The following SSH1 variants were observed in gnomAD, a reference collection of about 807,000 sequenced individuals.
SSH1 encodes protein phosphatase Slingshot homolog 1.
Under a neutral mutation model 79.7 loss-of-function variants are expected in SSH1, and 43 were observed. That is an observed-to-expected ratio of 0.54 (90% CI 0.42 to 0.70). The LOEUF (loss-of-function observed/expected upper bound fraction) is 0.70. SSH1 is among the 30% of genes least tolerant of loss of function. The pLI is 0.00. For synonymous variants in SSH1, 599 were observed against 538.3 expected (o/e 1.11, Z -1.56); for missense variants, 1,206 against 1,358.8 (o/e 0.89, Z 1.77).
chr12:108,811,436 G>A, intron 5 of SSH1, 108 bp from the exon 6 acceptor site: 1 of 949,850 alleles, frequency 1.1e-6, no homozygotes, highest in Non-Finnish European at 1.7e-6. Flanking sequence ...GTACGTGTGG[G>A]AGTAGGCTGT....
intron 6 of SSH1, among the ~76,000 whole-genome samples, chr12:108,810,280 G>C (rs1390585046): frequency 6.6e-6 from 1 of 152,006 alleles, no homozygotes; most frequent in East Asian, 1.9e-4. Context: ...CCAGCACTTT[G>C]GGAGGCCGAG....
chr12:108,800,742 T>C lies in SSH1; in HGVS notation c.1148+38A>G, dbSNP rs769448032. 5.6e-6 allele frequency: 9 copies of C among 1,610,838 alleles called. No homozygotes were observed. In the South Asian group the frequency reaches 6.6e-5, roughly 12 times the overall value. On this transcript the variant is annotated intron_variant, in intron 12 of 14. Coordinates refer to ENST00000326495, the MANE Select transcript of SSH1 (RefSeq NM_018984.4). ...TTCCCACTCTCCCAGCCTCAGCAGGTTGGTTTCATCCTCAGCCCCGCCTCT... is the reference window on the plus strand; with the variant it reads ...TTCCCACTCTCCCAGCCTCAGCAGGCTGGTTTCATCCTCAGCCCCGCCTCT...
intron 2 of SSH1, among the ~76,000 whole-genome samples, chr12:108,843,000 C>T (rs927716815): frequency 6.6e-6 from 1 of 152,104 alleles, no homozygotes; most frequent in African/African-American, 2.4e-5. Context: ...TTTATTTTTT[C>T]GCCTGGGCAC....
Position 108,788,442 on chromosome 12 carries a change from G to C in SSH1, c.2696C>G (p.Pro899Arg), listed in dbSNP as rs146273433. ...GTGGTCCAGGCGGTAGAAGAAAGGA[G>C]GGGGGCTCTTCAGTGAGCCTCCTTC... Reference protein sequence around the residue: ...SLEGGSLKSPPPFFYRLDHTS... With the variant: ...SLEGGSLKSPRPFFYRLDHTS... The change falls in exon 15 of 15, where the codon CCT (proline) becomes CGT (arginine). Residue 899 changes from proline to arginine, a missense_variant. By Grantham distance (103) the Pro-to-Arg change is moderately radical (BLOSUM62 -2). Around this residue, in one of 5 missense-constraint regions of SSH1, gnomAD observed 709 missense variants for 730.6 expected, o/e 0.97. Coordinates refer to ENST00000326495, the MANE Select transcript of SSH1 (RefSeq NM_018984.4). The C allele has an allele frequency of 7.5e-4, 1,183 of 1,577,222 alleles. 7 individuals are homozygous for C. The highest frequency in any genetic ancestry group is 5.4e-3 in the South Asian group (457 of 84,816).
At chr12:108,827,373 G>T in intron 2 of SSH1, 1 of 1,535,476 alleles carries the variant, frequency 6.5e-7, no homozygotes, top group Non-Finnish European at 8.8e-7. Flanking sequence ...CATCTCTAAC[G>T]CTCCCTACAA....
At chr12:108,800,711 C>T (rs1345230024) in intron 12 of SSH1, 69 bp downstream of exon 12, 57 of 1,597,022 alleles carry the variant, frequency 3.6e-5, no homozygotes, top group Non-Finnish European at 4.5e-5. Context: ...TCTGCAGTCT[C>T]GTTCATTCCC....
intron 2 of SSH1, among the ~76,000 whole-genome samples, chr12:108,831,934 AG>A (rs2038483394): frequency 6.6e-6 from 1 of 152,228 alleles, no homozygotes; most frequent in Non-Finnish European, 1.5e-5. Flanking sequence ...CTTGTGGTTG[AG>A]ACATCGCACT....
chr12:108,817,300 A>G (rs1304486698), intron 4 of SSH1, 141 bp from the exon 5 acceptor site: 3 of 1,295,254 alleles, frequency 2.3e-6, no homozygotes, highest in Admixed American at 4.0e-5. Flanking sequence ...TTGGCTGGGC[A>G]TGGTGGTTCA....
chr12:108,833,391 C>T (rs774933108), intron 2 of SSH1, among the ~76,000 whole-genome samples: 27 of 152,158 alleles, frequency 1.8e-4, no homozygotes, highest in Non-Finnish European at 3.7e-4. Context: ...CAGCCAAACA[C>T]GCCAGAAATA....
intron 2 of SSH1, among the ~76,000 whole-genome samples, chr12:108,840,815 C>A (rs895960299): frequency 2.6e-5 from 4 of 152,158 alleles, no homozygotes; most frequent in Non-Finnish European, 5.9e-5. Context: ...CTAAGCCCTG[C>A]GGAGGAGGAG....
rs1359438045 is a variant in SSH1, at chr12:108,787,333, A to C, written c.*655T>G. 6.5e-6 allele frequency: 1 copy of C among 153,082 alleles called. No individual in the cohort carries two copies. The highest frequency in any genetic ancestry group is 1.5e-5 in the Non-Finnish European group (1 of 68,766). 9.5% of individuals were successfully genotyped at this position (153,082 alleles called of 1,614,324 possible). On this transcript the variant is annotated 3_prime_UTR_variant, in exon 15 of 15. Transcript: ENST00000326495. ...AGGGCGCCTGCACCACCATTCGGGC[A>C]CAGAGTCAGCTCAACAACAGCGTGG...
intron 2 of SSH1, chr12:108,826,265 C>T (rs1015555199): frequency 4.8e-6 from 2 of 416,208 alleles, no homozygotes; most frequent in African/African-American, 4.2e-5. Context: ...ACTTACAAGG[C>T]CAGCTGTTCC....
rs113972815 is a variant in SSH1 at position 108,792,834 on chromosome 12, G to T, written c.1350-5C>A. 6.8e-6 allele frequency: 11 copies of T among 1,613,104 alleles called. No homozygotes were observed. Among genetic ancestry groups the T allele is most frequent in the Non-Finnish European group, 9.3e-6 (11 of 1,180,016 alleles). ...AGCTTGTTGTGCCGCTGTTTGCTGCGGGGAGAGAGGGTAGAGGAAGGTGAG... is the reference window on the plus strand; with the variant it reads ...AGCTTGTTGTGCCGCTGTTTGCTGCTGGGAGAGAGGGTAGAGGAAGGTGAG... On this transcript the variant is annotated splice_region_variant and splice_polypyrimidine_tract_variant and intron_variant, in intron 13 of 14. Transcript: ENST00000326495.
At chr12:108,842,532 C>T (rs1403388789) in intron 2 of SSH1, among the ~76,000 whole-genome samples, 2 of 152,218 alleles carry the variant, frequency 1.3e-5, no homozygotes, top group Non-Finnish European at 1.5e-5. Flanking sequence ...CATTACCACC[C>T]GGATGTTCTC....
At position 108,806,173 on chromosome 12, in the gene SSH1, C is replaced by G. The variant is rs546856446; in HGVS notation, c.825+128G>C. 5.0e-5 allele frequency: 45 copies of G among 902,724 alleles called. No homozygotes were observed. In the South Asian group the frequency reaches 5.6e-4, roughly 11 times the overall value. 55.9% of individuals were successfully genotyped at this position (902,724 alleles called of 1,614,324 possible). On this transcript the variant is annotated intron_variant, in intron 9 of 14. Transcript: ENST00000326495. ...GTAGAACGAGGCAGAAAAAAGCCTC[C>G]GGGGGCTGATACCAGAGGACAGGTA...
At position 108,799,343 on chromosome 12, in the gene SSH1, CCTA is replaced by C. The variant is rs567777795; in HGVS notation, c.1149-146_1149-144del. 169 of 685,944 alleles carry C rather than the reference CCTA, an allele frequency of 2.5e-4. No individual in the cohort carries two copies. The East Asian group carries it at 4.3e-3, about 18-fold the overall frequency. The allele number at this position is 685,944 out of a possible 1,614,324, so 42.5% of individuals were successfully genotyped here. A position where few individuals can be genotyped will look rare whatever the true frequency, so the allele number is the denominator to read the frequency against. On this transcript the variant is annotated intron_variant, in intron 12 of 14. Transcript: ENST00000326495. ...GTAGATATCTTACTGCCGAAATCCT[CCTA>C]CGTCTTAATGTTTACGGAGCAGATG...
intron 2 of SSH1, among the ~76,000 whole-genome samples, chr12:108,835,886 A>ATTAATAATATAG: frequency 8.2e-6 from 1 of 122,102 alleles, no homozygotes; most frequent in South Asian, 2.7e-4. Flanking sequence ...ATATTAATTA[A>ATTAATAATATAG]TTATAACTAT....
intron 8 of SSH1, 26 bp from the exon 9 acceptor site, chr12:108,806,420 G>A (rs1272674840): frequency 6.2e-7 from 1 of 1,604,206 alleles, no homozygotes; most frequent in Admixed American, 1.7e-5. Flanking sequence ...GTTTAGGAGA[G>A]CAAGGAGCTG....
intron 5 of SSH1, among the ~76,000 whole-genome samples, chr12:108,816,645 G>A (rs999075102): frequency 5.3e-5 from 8 of 152,010 alleles, no homozygotes; most frequent in East Asian, 3.9e-4. Flanking sequence ...ACTTCTCCCC[G>A]GGCCCCTCTG....
Sources: allele counts gnomAD v4.1 joint callset (sites outside exome capture counted in the v4.1 genomes callset), GRCh38; gene constraint gnomAD v4.1.1; regional missense constraint gnomAD v4.1.1; transcripts MANE v1.5; gene names NCBI Gene and HGNC (gene_info 2026-07-23, HGNC 2026-07-21).